Variants in HSPH1 observed in about 807,000 individuals in gnomAD.
HSPH1 encodes the protein heat shock protein 105 kDa.
Under a neutral mutation model 100.0 loss-of-function variants are expected in HSPH1, and 40 were observed. The observed-to-expected ratio is 0.40, with a 90% CI of 0.31 to 0.52. HSPH1 has a LOEUF of 0.52. Ranked by LOEUF, HSPH1 falls within the 20% of genes least tolerant of loss-of-function variation. The pLI is 0.54. For missense variants in HSPH1, 876 were observed against 1,015.1 expected, an observed-to-expected ratio of 0.86 and a Z score of 1.86; for synonymous variants, 403 against 344.0, an observed-to-expected ratio of 1.17 and a Z score of -1.90.
chr13:31,150,921 T>G (rs1956464283), intron 7 of HSPH1, 26 bp downstream of exon 7: 1 of 1,590,930 alleles, frequency 6.3e-7, no homozygotes, highest in African/African-American at 1.4e-5. Context: ...GTTCCATCTA[T>G]TTAATCTGTA....
intron 8 of HSPH1, among the ~76,000 whole-genome samples, chr13:31,149,625 C>A (rs1346825513): frequency 6.6e-6 from 1 of 152,126 alleles, no homozygotes; most frequent in Non-Finnish European, 1.5e-5. Flanking sequence ...TATCAGATTA[C>A]CACTGTAATT....
intron 12 of HSPH1, among the ~76,000 whole-genome samples, chr13:31,142,671 A>T (rs1956138097): frequency 6.6e-6 from 1 of 152,112 alleles, no homozygotes; most frequent in Non-Finnish European, 1.5e-5. Flanking sequence ...TGGATGAGGA[A>T]CCGTCTCCAA....
chr13:31,143,852 T>C lies in HSPH1; in HGVS notation c.1656A>G (p.Ser552=), dbSNP rs1309438273. 4 of 1,611,778 alleles carry C rather than the reference T, an allele frequency of 2.5e-6. No individual in the cohort carries two copies. The highest frequency in any genetic ancestry group is 1.7e-4 in the Middle Eastern group (1 of 6,048). ...TAAGTTCAGGTGAAGGGGGAGACTG[T>C]GAGGTTTGTTGAGCATCAGTTTGTA... is the stretch of plus-strand genomic sequence containing the variant. The part of the protein sequence containing the change: ...PQVQTDAQQT[S]QSPPSPELTS... Residue 552 remains serine, a synonymous_variant, in exon 12 of 18, where the codon TCA becomes TCG. Coordinates refer to ENST00000320027, the MANE Select transcript of HSPH1 (RefSeq NM_006644.4).
intron 2 of HSPH1, among the ~76,000 whole-genome samples, chr13:31,156,047 G>T (rs1956677353): frequency 6.6e-6 from 1 of 152,116 alleles, no homozygotes; most frequent in Admixed American, 6.5e-5. Flanking sequence ...TATACCCAAT[G>T]AATGAATAGA....
rs1369958993 is a variant in HSPH1 at position 31,151,744 on chromosome 13, T to A, written c.530-2A>T. ...TATAAATTCCGTAATTCAAAGCAACTACAAAAAATAAGTATGTTTCAATTC... is the reference window on the plus strand; with the variant it reads ...TATAAATTCCGTAATTCAAAGCAACAACAAAAAATAAGTATGTTTCAATTC... On this transcript the variant is annotated splice_acceptor_variant, in intron 5 of 17. Transcript: ENST00000320027. LOFTEE classifies it high-confidence loss of function. 1.9e-6 allele frequency: 3 copies of A among 1,598,042 alleles called. No homozygotes were observed. Among genetic ancestry groups the A allele is most frequent in the Admixed American group, 3.6e-5 (2 of 55,822 alleles).
intron 14 of HSPH1, 148 bp from the exon 15 acceptor site, chr13:31,139,255 A>G (rs181540969): frequency 5.2e-5 from 31 of 597,696 alleles, no homozygotes; most frequent in Non-Finnish European, 2.4e-5. Context: ...AGAGACCTTG[A>G]AAATGGCTCT....
rs964074518 is a variant in HSPH1 at position 31,160,560 on chromosome 13, G to A, written c.107+916C>T. On this transcript the variant is annotated intron_variant, in intron 1 of 17. Transcript: ENST00000320027. ...TTTTCATCAATGCACATGCAGATAT[G>A]TTTGTATATATTCTCGTCCGAAAAT... is the stretch of plus-strand genomic sequence containing the variant. 3.3e-5 allele frequency among the ~76,000 whole-genome samples: 5 copies of A among 152,142 alleles called. No individual in the cohort carries two copies. The South Asian group carries it at 6.2e-4, about 19-fold the overall frequency.
Position 31,151,126 on chromosome 13 carries a change from A to G in HSPH1, c.729T>C (p.His243=). Residue 243 remains histidine, a synonymous_variant, in exon 7 of 18, where the codon CAT becomes CAC. Transcript: ENST00000320027. The part of the protein sequence containing the change: ...GKNFDEKLVE[H]FCAEFKTKYK... ...ACTTAGTTTTAAATTCTGCACAAAA[A>G]TGTTCCACTAACTTTTCATCGAAGT... 1 of 1,613,568 alleles carries G rather than the reference A, an allele frequency of 6.2e-7. No individual in the cohort carries two copies. Among genetic ancestry groups the G allele is most frequent in the Non-Finnish European group, 8.5e-7 (1 of 1,179,666 alleles).
intron 13 of HSPH1, chr13:31,140,888 C>T (rs776191100): frequency 5.9e-6 from 2 of 338,138 alleles, no homozygotes; most frequent in Non-Finnish European, 1.1e-5. Context: ...TGATTTATTG[C>T]CATCCAATTT....
chr13:31,140,177 G>C lies in HSPH1; in HGVS notation c.1980+7C>G. On this transcript the variant is annotated splice_region_variant and intron_variant, in intron 14 of 17. Transcript: ENST00000320027. ...TATCTGAACAAAAACAGAGCTCTAAGACATACCTGCTCACATATAAATTTT... is the reference window on the plus strand; with the variant it reads ...TATCTGAACAAAAACAGAGCTCTAACACATACCTGCTCACATATAAATTTT... 1 of 1,608,982 alleles carries C rather than the reference G, an allele frequency of 6.2e-7. No individual in the cohort carries two copies. The highest frequency in any genetic ancestry group is 8.5e-7 in the Non-Finnish European group (1 of 1,176,958).
Position 31,136,646 on chromosome 13 carries a change from T to C in HSPH1, c.*672A>G, listed in dbSNP as rs1170258121. On this transcript the variant is annotated 3_prime_UTR_variant, in exon 18 of 18. Coordinates refer to ENST00000320027, the MANE Select transcript of HSPH1 (RefSeq NM_006644.4). ...ACAGTTTAGAAATGACACCATAAGA[T>C]GAACTTTATTTTAAAGCTCATAAAA... 1 of 152,646 alleles carries C rather than the reference T, an allele frequency of 6.6e-6. No individual in the cohort carries two copies. Among genetic ancestry groups the C allele is most frequent in the East Asian group, 1.9e-4 (1 of 5,192 alleles). 9.5% of individuals were successfully genotyped at this position (152,646 alleles called of 1,614,324 possible).
At position 31,145,657 on chromosome 13, in the gene HSPH1, A is replaced by G. The variant is rs1345902908; in HGVS notation, c.1490T>C (p.Met497Thr). 2 of 1,613,556 alleles carry G rather than the reference A, an allele frequency of 1.2e-6. No homozygotes were observed. Among genetic ancestry groups the G allele is most frequent in the African/African-American group, 1.3e-5 (1 of 74,868 alleles). ...CTCCTCAGTTGGGACTTTCTCCACC[A>G]TAGATGCCGTAGAGATGGTGAAAAT... The part of the protein sequence containing the change: ...HGIFTISTAS[M>T]VEKVPTEENE... The change falls in exon 11 of 18, where the codon ATG (methionine) becomes ACG (threonine). Residue 497 changes from methionine (M) to threonine (T), a missense_variant. Coordinates refer to ENST00000320027, the MANE Select transcript of HSPH1 (RefSeq NM_006644.4).
At chr13:31,152,821 A>T in intron 5 of HSPH1, 31 bp downstream of exon 5, 1 of 1,366,722 alleles carries the variant, frequency 7.3e-7, no homozygotes, top group South Asian at 1.2e-5. Context: ...CTGATAGTAT[A>T]TTCACTTCCA....
chr13:31,162,193 C>T (rs1956949812), upstream of HSPH1: 5 of 1,041,974 alleles, frequency 4.8e-6, no homozygotes, highest in South Asian at 6.9e-5. Flanking sequence ...AAACAGGCAA[C>T]GAAGAATGAC....
At chr13:31,142,720 T>C (rs1956139488) in intron 12 of HSPH1, among the ~76,000 whole-genome samples, 1 of 152,122 alleles carries the variant, frequency 6.6e-6, no homozygotes, top group African/African-American at 2.4e-5. Context: ...TTGAGACTAG[T>C]GGTCCTACCT....
chr13:31,150,840 C>A, intron 7 of HSPH1, 107 bp downstream of exon 7: 1 of 1,137,660 alleles, frequency 8.8e-7, no homozygotes, highest in Non-Finnish European at 1.2e-6. Flanking sequence ...ATGTAACACA[C>A]AATTCTGAAA....
chr13:31,158,795 AAAG>A lies in HSPH1; in HGVS notation c.165+8_165+10del, dbSNP rs764379243. 33 of 1,581,492 alleles carry A rather than the reference AAAG, an allele frequency of 2.1e-5. No homozygotes were observed. Among genetic ancestry groups the A allele is most frequent in the Non-Finnish European group, 2.3e-5 (27 of 1,150,386 alleles). On this transcript the variant is annotated splice_region_variant and intron_variant, in intron 2 of 17. Transcript: ENST00000320027. Reference sequence around the variant, plus strand: ...CTTAAAAAGTGATCCGAATTCTCTTAAAGAACATACCTGATTTTTGGCTGCAAC... The same window carrying A: ...CTTAAAAAGTGATCCGAATTCTCTTAAACATACCTGATTTTTGGCTGCAAC...
intron 11 of HSPH1, among the ~76,000 whole-genome samples, 177 bp downstream of exon 11, chr13:31,145,386 C>T (rs1389753260): frequency 2.6e-5 from 4 of 152,152 alleles, no homozygotes; most frequent in Non-Finnish European, 4.4e-5. Context: ...TCACAATTCA[C>T]CAAATTTCAA....
intron 12 of HSPH1, among the ~76,000 whole-genome samples, chr13:31,141,698 C>T (rs1371308456): frequency 1.3e-5 from 2 of 151,844 alleles, no homozygotes; most frequent in African/African-American, 4.8e-5. Context: ...CCCTATATGC[C>T]AGTATGCCTG....
Sources: gnomAD v4.1 joint callset for allele counts (sites outside exome capture counted in the v4.1 genomes callset) on GRCh38, gnomAD v4.1.1 for gene constraint, MANE v1.5 for transcripts, NCBI Gene and HGNC (gene_info 2026-07-23, HGNC 2026-07-21) for gene names.